CMKLR1: variants seen among roughly 807,000 people sequenced by gnomAD.
CMKLR1 encodes the protein chemerin chemokine-like receptor 1.
A neutral mutation model predicts 8.2 loss-of-function variants in CMKLR1; 6 were observed. That is an observed-to-expected ratio of 0.73 (90% confidence interval 0.40 to 1.44). CMKLR1 has a LOEUF of 1.44. Among genes scored for constraint, CMKLR1 ranks in the 40% most tolerant of loss-of-function variants. CMKLR1 has a pLI of 0.02. For synonymous variants in CMKLR1, 178 were observed against 181.2 expected (o/e 0.98, Z 0.14); for missense variants, 429 against 478.0 (o/e 0.90, Z 0.96).
chr12:108,301,576 A>G (rs1891275541), intron 2 of CMKLR1, among the ~76,000 whole-genome samples: 1 of 152,214 alleles, frequency 6.6e-6, no homozygotes, highest in Admixed American at 6.5e-5. Flanking sequence ...GCACATAATA[A>G]GCACATGCTT....
chr12:108,308,707 C>A (rs1891474826), intron 2 of CMKLR1, among the ~76,000 whole-genome samples: 1 of 152,202 alleles, frequency 6.6e-6, no homozygotes, highest in African/African-American at 2.4e-5. Context: ...TCAAATCCCT[C>A]AGGAGGCTGA....
Position 108,288,333 on chromosome 12 carries a change from T to C in CMKLR1, c.*3508A>G, listed in dbSNP as rs1232380530. ...CCAGACACCACCTCGTTTTGCAGAG[T>C]CCTCAGGGGAAGCTCTCAAAACCTC... On this transcript the variant is annotated 3_prime_UTR_variant, in exon 4 of 4. Transcript: ENST00000550402. 1 of 152,046 alleles carries C rather than the reference T, an allele frequency of 6.6e-6. No individual in the cohort carries two copies. The highest frequency in any genetic ancestry group is 2.4e-5 in the African/African-American group (1 of 41,376). 9.4% of individuals were successfully genotyped at this position (152,046 alleles called of 1,614,324 possible).
chr12:108,303,711 C>A (rs1219959735), intron 2 of CMKLR1, among the ~76,000 whole-genome samples: 3 of 152,234 alleles, frequency 2.0e-5, no homozygotes, highest in Non-Finnish European at 4.4e-5. Flanking sequence ...GAAAATCAAT[C>A]TGGCAAGATT....
chr12:108,330,143 A>G lies in CMKLR1; in HGVS notation c.-222T>C, dbSNP rs1892071676. On this transcript the variant is annotated 5_prime_UTR_variant, in exon 2 of 4. Coordinates refer to ENST00000550402, the MANE Select transcript of CMKLR1 (RefSeq NM_001142343.2). ...TCTCTAGATGCCATCAGCTTCTGCT[A>G]TCATTGTTGCAGAGCCCTGAGCCTC... is the stretch of plus-strand genomic sequence containing the variant. The G allele has an allele frequency of 1.3e-5, 2 of 152,208 alleles. No homozygotes were observed. Among genetic ancestry groups the G allele is most frequent in the South Asian group, 4.1e-4 (2 of 4,828 alleles). The allele number at this position is 152,208 out of a possible 1,614,324, so 9.4% of individuals were successfully genotyped here. A position where few individuals can be genotyped will look rare whatever the true frequency, so the allele number is the denominator to read the frequency against.
intron 2 of CMKLR1, among the ~76,000 whole-genome samples, chr12:108,306,459 C>T (rs768240457): frequency 6.6e-6 from 1 of 152,038 alleles, no homozygotes; most frequent in Non-Finnish European, 1.5e-5. Flanking sequence ...CCACACTTTC[C>T]CCTCCCTCCC....
chr12:108,301,280 T>C (rs1891263906), intron 2 of CMKLR1, among the ~76,000 whole-genome samples: 1 of 151,996 alleles, frequency 6.6e-6, no homozygotes, highest in Non-Finnish European at 1.5e-5. Flanking sequence ...TTTCACCATG[T>C]TAGCCAGGAT....
intron 1 of CMKLR1, among the ~76,000 whole-genome samples, chr12:108,335,125 C>A (rs773355986): frequency 1.3e-5 from 2 of 152,144 alleles, no homozygotes; most frequent in Non-Finnish European, 2.9e-5. Flanking sequence ...AGAATGGAAG[C>A]AACCCAAGAG....
chr12:108,323,698 G>C (rs1429418244), intron 2 of CMKLR1, among the ~76,000 whole-genome samples: 1 of 152,206 alleles, frequency 6.6e-6, no homozygotes, highest in Non-Finnish European at 1.5e-5. Flanking sequence ...TGTAGGACTT[G>C]GGGTGCAGTC....
At chr12:108,336,854 C>A (rs532273672) in intron 1 of CMKLR1, among the ~76,000 whole-genome samples, 2 of 152,136 alleles carry the variant, frequency 1.3e-5, no homozygotes, top group Non-Finnish European at 2.9e-5. Context: ...TTTATAGAGA[C>A]CTTATTTTAC....
At chr12:108,324,003 G>T (rs1305439760) in intron 2 of CMKLR1, among the ~76,000 whole-genome samples, 3 of 152,150 alleles carry the variant, frequency 2.0e-5, no homozygotes, top group Admixed American at 2.0e-4. Flanking sequence ...GCCCTGGCAG[G>T]TCCCCTCCCT....
intron 2 of CMKLR1, among the ~76,000 whole-genome samples, chr12:108,323,653 T>C (rs191267342): frequency 1.3e-5 from 2 of 152,370 alleles, no homozygotes; most frequent in Admixed American, 6.5e-5. Flanking sequence ...AATCTTCAGA[T>C]GACACTGAGC....
intron 2 of CMKLR1, among the ~76,000 whole-genome samples, chr12:108,322,497 T>A (rs1391303988): frequency 2.6e-5 from 4 of 152,176 alleles, no homozygotes. Flanking sequence ...TACTTCAGCC[T>A]GGGGTGCCCA....
At chr12:108,295,432 C>T (rs912154583) in intron 2 of CMKLR1, among the ~76,000 whole-genome samples, 1 of 152,248 alleles carries the variant, frequency 6.6e-6, no homozygotes, top group Non-Finnish European at 1.5e-5. Flanking sequence ...AGTTGACATT[C>T]CCTGTGCCAA....
chr12:108,318,070 A>G (rs1001050123), intron 2 of CMKLR1, among the ~76,000 whole-genome samples: 2 of 152,260 alleles, frequency 1.3e-5, no homozygotes, highest in African/African-American at 4.8e-5. Context: ...CCTTTTTGAT[A>G]GCTGCATAGT....
At chr12:108,303,301 A>ACCC (rs1419341577) in intron 2 of CMKLR1, among the ~76,000 whole-genome samples, 1 of 151,722 alleles carries the variant, frequency 6.6e-6, no homozygotes, top group Non-Finnish European at 1.5e-5. Flanking sequence ...TCCTGCCCAC[A>ACCC]CCCCCGCTGC....
intron 3 of CMKLR1, 104 bp from the exon 4 acceptor site, chr12:108,293,063 C>A (rs1891040075): frequency 1.8e-6 from 2 of 1,106,662 alleles, no homozygotes; most frequent in African/African-American, 1.6e-5. Context: ...CTGAGCAAGT[C>A]CAGTTTTGTG....
chr12:108,321,842 T>G (rs1024274299), intron 2 of CMKLR1, among the ~76,000 whole-genome samples: 2 of 152,146 alleles, frequency 1.3e-5, no homozygotes, highest in Admixed American at 1.3e-4. Flanking sequence ...GGTGATACAG[T>G]TTGAATATCT....
At chr12:108,302,484 G>T (rs553766053) in intron 2 of CMKLR1, among the ~76,000 whole-genome samples, 1 of 152,334 alleles carries the variant, frequency 6.6e-6, no homozygotes, top group South Asian at 2.1e-4. Context: ...AACTGGTGAG[G>T]GAGTGAGGAA....
Position 108,291,011 on chromosome 12 carries a change from C to T in CMKLR1, c.*830G>A, listed in dbSNP as rs1477763946. On this transcript the variant is annotated 3_prime_UTR_variant, in exon 4 of 4. Transcript: ENST00000550402. Reference sequence around the variant, plus strand: ...CTGGTGAAGATGCCTGCCACAACCCCACCCCCAGGTAAGAGGGGCAAGGTG... The same window carrying T: ...CTGGTGAAGATGCCTGCCACAACCCTACCCCCAGGTAAGAGGGGCAAGGTG... 6.6e-6 allele frequency: 1 copy of T among 152,356 alleles called. No individual in the cohort carries two copies. The highest frequency in any genetic ancestry group is 1.5e-5 in the Non-Finnish European group (1 of 68,130). The allele number at this position is 152,356 out of a possible 1,614,324, so 9.4% of individuals were successfully genotyped here. A position where few individuals can be genotyped will look rare whatever the true frequency, so the allele number is the denominator to read the frequency against.
Sources: allele counts gnomAD v4.1 joint callset (sites outside exome capture counted in the v4.1 genomes callset), GRCh38; gene constraint gnomAD v4.1.1; transcripts MANE v1.5; gene names NCBI Gene and HGNC (gene_info 2026-07-23, HGNC 2026-07-21).